The following CCDC85C variants were observed in gnomAD, a reference collection of about 807,000 sequenced individuals.
The protein encoded by CCDC85C is coiled-coil domain-containing protein 85C.
Under a neutral mutation model 38.3 loss-of-function variants are expected in CCDC85C, and 18 were observed. The observed-to-expected ratio is 0.47, with a 90% CI of 0.33 to 0.70. The LOEUF is 0.70. Among genes scored for constraint, CCDC85C ranks in the 30% least tolerant of loss-of-function variants. The pLI is 0.03. For synonymous variants in CCDC85C, 264 were observed against 293.8 expected (o/e 0.90, Z 1.04); for missense variants, 566 against 621.2 (o/e 0.91, Z 0.94).
At position 99,603,337 on chromosome 14, in the gene CCDC85C, G is replaced by A. The variant is rs2055227947; in HGVS notation, c.623C>T (p.Thr208Met). ...GARDVGDGSS[T>M]SSAGSGGSPD... is the part of the protein sequence containing the mutation. Reference sequence around the variant, plus strand: ...GCTGCCGCCGCTGCCCGCGCTGGACGTACTGCTGCCGTCGCCCACGTCGCG... The same window carrying A: ...GCTGCCGCCGCTGCCCGCGCTGGACATACTGCTGCCGTCGCCCACGTCGCG... Residue 208 changes from threonine (T) to methionine (M), a missense_variant, in exon 1 of 6, where the codon ACG becomes ATG. Physicochemically the swap from Thr to Met is moderately conservative, Grantham distance 81. Around this residue, in one of 3 missense-constraint regions of CCDC85C, gnomAD observed 11 missense variants for 36.6 expected, o/e 0.30. Transcript: ENST00000380243. The surrounding 1 kb of genome is among the most constrained non-coding windows in gnomAD (Gnocchi z 7.5). 2.3e-6 allele frequency: 3 copies of A among 1,319,668 alleles called. No homozygotes were observed. Among genetic ancestry groups the A allele is most frequent in the South Asian group, 4.2e-5 (2 of 47,908 alleles). The allele number at this position is 1,319,668 out of a possible 1,614,324, so 81.7% of individuals were successfully genotyped here.
Position 99,500,679 on chromosome 14 carries a change from A to G in CCDC85C, c.*14567T>C. On this transcript the variant is annotated 3_prime_UTR_variant, in exon 6 of 6. Transcript: ENST00000380243. ...TGCTAAAATATAACTTGAAGAGAGA[A>G]TAAATAGACAGGAAAGCTCACTTTT... is the stretch of plus-strand genomic sequence containing the variant. 1 of 864,966 alleles carries G rather than the reference A, an allele frequency of 1.2e-6. No individual in the cohort carries two copies. The highest frequency in any genetic ancestry group is 1.7e-5 in the African/African-American group (1 of 59,586). The allele number at this position is 864,966 out of a possible 1,614,324, so 53.6% of individuals were successfully genotyped here. A position where few individuals can be genotyped will look rare whatever the true frequency, so the allele number is the denominator to read the frequency against.
chr14:99,551,238 C>T (rs889191605), intron 1 of CCDC85C, among the ~76,000 whole-genome samples: 1 of 152,146 alleles, frequency 6.6e-6, no homozygotes, highest in East Asian at 1.9e-4. Context: ...TGGACAGACA[C>T]TAGAGATTGG....
At chr14:99,542,246 G>A (rs887374558) in intron 1 of CCDC85C, among the ~76,000 whole-genome samples, 6 of 152,202 alleles carry the variant, frequency 3.9e-5, no homozygotes, top group South Asian at 2.1e-4. Flanking sequence ...AAACGAACAC[G>A]TACTTCCCAC....
At position 99,522,194 on chromosome 14, in the gene CCDC85C, G is replaced by A; in HGVS notation, c.914C>T (p.Pro305Leu). 6.4e-7 allele frequency: 1 copy of A among 1,550,826 alleles called. No homozygotes were observed. The highest frequency in any genetic ancestry group is 8.7e-7 in the Non-Finnish European group (1 of 1,146,928). Reference protein sequence around the residue: ...EFRTLRKGFSPYHSESQLASL... With the variant: ...EFRTLRKGFSLYHSESQLASL... ...CGCAAGCTGGGACTCCGAGTGGTAG[G>A]GCGAGAAGCCTTTCCGCAGCGTGCG... Residue 305 changes from proline (P) to leucine (L), a missense_variant, in exon 3 of 6, where the codon CCC becomes CTC. Pro to Leu is a moderately conservative substitution (Grantham distance 98). Around this residue, in one of 3 missense-constraint regions of CCDC85C, gnomAD observed 286 missense variants for 276.4 expected, o/e 1.03. Coordinates refer to ENST00000380243, the MANE Select transcript of CCDC85C (RefSeq NM_001144995.2).
At chr14:99,541,367 C>A (rs1897708997) in intron 1 of CCDC85C, among the ~76,000 whole-genome samples, 1 of 152,232 alleles carries the variant, frequency 6.6e-6, no homozygotes, top group Non-Finnish European at 1.5e-5. Flanking sequence ...GCATCCTGGG[C>A]TCTGGGCACA....
intron 1 of CCDC85C, among the ~76,000 whole-genome samples, chr14:99,570,724 CCT>C (rs1202568695): frequency 6.6e-6 from 1 of 152,158 alleles, no homozygotes; most frequent in African/African-American, 2.4e-5. Context: ...CTTCCCGGCC[CCT>C]GAGCAGAACA....
Position 99,572,950 on chromosome 14 carries a change from C to A in CCDC85C, c.793+30217G>T. 2.5e-6 allele frequency: 1 copy of A among 400,228 alleles called. No homozygotes were observed. The allele number at this position is 400,228 out of a possible 1,614,324, so 24.8% of individuals were successfully genotyped here. On this transcript the variant is annotated intron_variant, in intron 1 of 5. Transcript: ENST00000380243. The surrounding 1 kb of genome is among the most constrained non-coding windows in gnomAD (Gnocchi z 4.4). ...TTCTCTTAGCTCTGAGCCCTGCCTT[C>A]GCCTCCTACAAGATAGGATGGCAGC... is the stretch of plus-strand genomic sequence containing the variant.
chr14:99,552,951 C>T (rs771414533), intron 1 of CCDC85C, among the ~76,000 whole-genome samples: 6 of 152,152 alleles, frequency 3.9e-5, no homozygotes, highest in Non-Finnish European at 5.9e-5. Flanking sequence ...TGGCCAGGGA[C>T]TTGGTTACCC....
Position 99,501,426 on chromosome 14 carries a change from A to G in CCDC85C, c.*13820T>C. 6.5e-7 allele frequency: 1 copy of G among 1,537,652 alleles called. No individual in the cohort carries two copies. Among genetic ancestry groups the G allele is most frequent in the African/African-American group, 1.4e-5 (1 of 73,416 alleles). ...TTGTAAATGACAGGTATACATGTTC[A>G]AATGTTGATTAATTACAGTATTTTA... On this transcript the variant is annotated 3_prime_UTR_variant, in exon 6 of 6. Coordinates refer to ENST00000380243, the MANE Select transcript of CCDC85C (RefSeq NM_001144995.2).
At chr14:99,561,859 C>G (rs546708990) in intron 1 of CCDC85C, among the ~76,000 whole-genome samples, 5 of 152,210 alleles carry the variant, frequency 3.3e-5, no homozygotes, top group Non-Finnish European at 7.4e-5. Context: ...CCCTGCGCTA[C>G]GGCGTTGGTG....
At chr14:99,528,663 C>G (rs953154468) in intron 2 of CCDC85C, among the ~76,000 whole-genome samples, 1 of 152,250 alleles carries the variant, frequency 6.6e-6, no homozygotes, top group African/African-American at 2.4e-5. Flanking sequence ...CTCAGAGAGG[C>G]CAGGTGGGGG....
chr14:99,505,989 C>G lies in CCDC85C; in HGVS notation c.*9257G>C, dbSNP rs1319766726. On this transcript the variant is annotated 3_prime_UTR_variant, in exon 6 of 6. Coordinates refer to ENST00000380243, the MANE Select transcript of CCDC85C (RefSeq NM_001144995.2). ...CTGTGGAAAAAGGCAGGAGGTGGGT[C>G]CCTGAGGTGAGAGTAATAGCAGTTA... The G allele has an allele frequency of 1.3e-5, 2 of 152,434 alleles. No homozygotes were observed. Among genetic ancestry groups the G allele is most frequent in the African/African-American group, 4.8e-5 (2 of 41,426 alleles). The allele number at this position is 152,434 out of a possible 1,614,324, so 9.4% of individuals were successfully genotyped here. A position where few individuals can be genotyped will look rare whatever the true frequency, so the allele number is the denominator to read the frequency against.
At chr14:99,543,738 C>T (rs1028060151) in intron 1 of CCDC85C, among the ~76,000 whole-genome samples, 3 of 152,136 alleles carry the variant, frequency 2.0e-5, no homozygotes, top group African/African-American at 7.2e-5. Flanking sequence ...ATGCCAATCC[C>T]AGCTGACACC....
intron 1 of CCDC85C, among the ~76,000 whole-genome samples, chr14:99,567,977 C>CTGCGG (rs1898251386): frequency 6.6e-6 from 1 of 152,184 alleles, no homozygotes; most frequent in African/African-American, 2.4e-5. Context: ...TCCAAATACA[C>CTGCGG]AAGACTGCCC....
chr14:99,604,051 G>C lies in CCDC85C; in HGVS notation c.-92C>G. 1 of 975,486 alleles carries C rather than the reference G, an allele frequency of 1.0e-6. No individual in the cohort carries two copies. The highest frequency in any genetic ancestry group is 1.8e-5 in the African/African-American group (1 of 56,404). 60.4% of individuals were successfully genotyped at this position (975,486 alleles called of 1,614,324 possible). On this transcript the variant is annotated 5_prime_UTR_variant, in exon 1 of 6. Transcript: ENST00000380243. Reference sequence around the variant, plus strand: ...CGCTGGGCCGGTCCGCGCGCGGGCGGGGGGCGGCCGGGGGCGCGTGCGGCC... The same window carrying C: ...CGCTGGGCCGGTCCGCGCGCGGGCGCGGGGCGGCCGGGGGCGCGTGCGGCC...
chr14:99,589,578 G>C (rs1336041482), intron 1 of CCDC85C, among the ~76,000 whole-genome samples: 1 of 152,192 alleles, frequency 6.6e-6, no homozygotes, highest in East Asian at 1.9e-4. Flanking sequence ...GCTCTGATTA[G>C]AGCTGCGGTC....
intron 2 of CCDC85C, among the ~76,000 whole-genome samples, chr14:99,531,240 GGA>G (rs1012460111): frequency 5.3e-5 from 8 of 152,160 alleles, no homozygotes; most frequent in Non-Finnish European, 1.0e-4. Flanking sequence ...TCTGGTCTAG[GGA>G]GAGAGAATAT....
rs1297682710 is a variant in CCDC85C, at chr14:99,501,035, G to GT, written c.*14210dup. On this transcript the variant is annotated 3_prime_UTR_variant, in exon 6 of 6. Coordinates refer to ENST00000380243, the MANE Select transcript of CCDC85C (RefSeq NM_001144995.2). ...ATTCAGCATTGCAGCTGCTAATGCT[G>GT]TTTCCTTTTATGTATAAACAGGCTC... The GT allele has an allele frequency of 4.8e-6, 3 of 618,704 alleles. No homozygotes were observed. The highest frequency in any genetic ancestry group is 1.9e-5 in the African/African-American group (1 of 53,536). 38.3% of individuals were successfully genotyped at this position (618,704 alleles called of 1,614,324 possible).
At chr14:99,567,241 G>A (rs1464389394) in intron 1 of CCDC85C, among the ~76,000 whole-genome samples, 4 of 152,074 alleles carry the variant, frequency 2.6e-5, no homozygotes, top group East Asian at 1.9e-4. Context: ...CCTAAAGCTC[G>A]CTCCAGCCAG....
Sources: allele counts gnomAD v4.1 joint callset (sites outside exome capture counted in the v4.1 genomes callset), GRCh38; gene constraint gnomAD v4.1.1; regional missense constraint gnomAD v4.1.1; non-coding constraint Gnocchi (gnomAD v3.1); transcripts MANE v1.5; gene names NCBI Gene and HGNC (gene_info 2026-07-23, HGNC 2026-07-21).